TSPAN15: variants seen among roughly 807,000 people sequenced by gnomAD.
The protein encoded by TSPAN15 is tetraspanin 15, also known as tetraspanin-15.
TSPAN15 carries 20 observed loss-of-function variants against 34.5 expected under a neutral mutation model. That is an observed-to-expected ratio of 0.58 (90% CI 0.41 to 0.84). The LOEUF (loss-of-function observed/expected upper bound fraction) is 0.84, where lower values mean the gene tolerates loss of function less well. Among genes scored for constraint, TSPAN15 ranks in the 40% least tolerant of loss-of-function variants. The probability of loss-of-function intolerance (pLI) is 0.00; values close to 1 mark genes in which losing one functional copy is unlikely to be tolerated. For synonymous variants in TSPAN15, 155 were observed against 153.9 expected (o/e 1.01, Z -0.05); for missense variants, 313 against 386.1 (o/e 0.81, Z 1.59).
intron 1 of TSPAN15, among the ~76,000 whole-genome samples, chr10:69,473,832 C>T (rs1001858603): frequency 6.6e-6 from 1 of 152,122 alleles, no homozygotes; most frequent in African/African-American, 2.4e-5. Context: ...CACTTGAGAT[C>T]TGATTGCCTC....
At chr10:69,451,942 T>G in intron 1 of TSPAN15, among the ~76,000 whole-genome samples, 1 of 152,242 alleles carries the variant, frequency 6.6e-6, no homozygotes, top group East Asian at 1.9e-4. Flanking sequence ...GTGCACCGGC[T>G]GGGCGGTTTG....
intron 6 of TSPAN15, chr10:69,505,893 G>C (rs1022359095): frequency 1.9e-5 from 8 of 418,116 alleles, no homozygotes; most frequent in Admixed American, 1.1e-4. Flanking sequence ...CGCCAACCTC[G>C]TTTGCTGGGG....
intron 2 of TSPAN15, chr10:69,484,088 A>G (rs1245283945): frequency 4.1e-6 from 2 of 490,554 alleles, no homozygotes; most frequent in African/African-American, 3.8e-5. Flanking sequence ...TACTGTTCTT[A>G]CTTAAACTCT....
At chr10:69,541,583 C>G in the TSPAN15 span, among the ~76,000 whole-genome samples, 2 of 152,250 alleles carry the variant, frequency 1.3e-5, no homozygotes, top group African/African-American at 4.8e-5. Flanking sequence ...CCCACATTTC[C>G]CTTCCTCAGT....
chr10:69,484,887 A>G (rs540803229), intron 2 of TSPAN15, among the ~76,000 whole-genome samples: 1 of 152,148 alleles, frequency 6.6e-6, no homozygotes, highest in African/African-American at 2.4e-5. Flanking sequence ...CCCCAAGACA[A>G]ATGGAGGTAA....
intron 1 of TSPAN15, among the ~76,000 whole-genome samples, chr10:69,474,004 T>G (rs1484136425): frequency 6.6e-6 from 1 of 152,126 alleles, no homozygotes; most frequent in Non-Finnish European, 1.5e-5. Flanking sequence ...ACAAGATACA[T>G]GAAATAATAA....
the TSPAN15 span, among the ~76,000 whole-genome samples, chr10:69,534,783 G>A: frequency 1.4e-5 from 2 of 146,788 alleles, no homozygotes; most frequent in Non-Finnish European, 3.0e-5. Context: ...CGGAGTTTGA[G>A]ACCAGCCTGG....
At chr10:69,523,338 T>C in the TSPAN15 span, 1 of 523,048 alleles carries the variant, frequency 1.9e-6, no homozygotes, top group Non-Finnish European at 3.5e-6. Context: ...AGCCCAAGAG[T>C]AGCAGGCTCC....
At chr10:69,493,489 T>C (rs1241056368) in intron 3 of TSPAN15, among the ~76,000 whole-genome samples, 3 of 149,548 alleles carry the variant, frequency 2.0e-5, no homozygotes, top group Non-Finnish European at 4.4e-5. Context: ...TTTTTTTTTT[T>C]TGAGACAGAG....
chr10:69,539,026 G>A, the TSPAN15 span, among the ~76,000 whole-genome samples: 1 of 152,264 alleles, frequency 6.6e-6, no homozygotes, highest in East Asian at 1.9e-4. Context: ...AATGAAGGCT[G>A]AAAAGTCCTA....
Position 69,507,651 on chromosome 10 carries a change from G to C in TSPAN15, c.*673G>C. 2.0e-6 allele frequency: 2 copies of C among 1,007,622 alleles called. No homozygotes were observed. Among genetic ancestry groups the C allele is most frequent in the Non-Finnish European group, 2.5e-6 (2 of 788,402 alleles). 62.4% of individuals were successfully genotyped at this position (1,007,622 alleles called of 1,614,324 possible). A position where few individuals can be genotyped will look rare whatever the true frequency, so the allele number is the denominator to read the frequency against. ...TTTGTTAATCAAACAATAAAAACAT[G>C]TTTTTTTTTTTTTTTTTTTTTTGCC... is the stretch of plus-strand genomic sequence containing the variant. On this transcript the variant is annotated 3_prime_UTR_variant, in exon 8 of 8. Coordinates refer to ENST00000373290, the MANE Select transcript of TSPAN15 (RefSeq NM_012339.5).
the TSPAN15 span, among the ~76,000 whole-genome samples, chr10:69,514,255 A>G: frequency 6.6e-6 from 1 of 152,144 alleles, no homozygotes; most frequent in Non-Finnish European, 1.5e-5. Context: ...CTTTTAATAT[A>G]TTGTTGGATT....
intron 1 of TSPAN15, among the ~76,000 whole-genome samples, chr10:69,476,264 C>G (rs1841611993): frequency 6.6e-6 from 1 of 152,000 alleles, no homozygotes; most frequent in Non-Finnish European, 1.5e-5. Context: ...TAGGGACAGA[C>G]AGAATGACCA....
the TSPAN15 span, among the ~76,000 whole-genome samples, chr10:69,520,936 C>G: frequency 6.6e-6 from 1 of 152,126 alleles, no homozygotes; most frequent in Non-Finnish European, 1.5e-5. Context: ...TACATTTGTA[C>G]CCACAATGCC....
chr10:69,510,436 A>T (rs1275332751), downstream of TSPAN15, among the ~76,000 whole-genome samples: 6 of 152,194 alleles, frequency 3.9e-5, no homozygotes, highest in Non-Finnish European at 8.8e-5. Flanking sequence ...GTATCCTGAG[A>T]CTTTGCTGAA....
downstream of TSPAN15, among the ~76,000 whole-genome samples, chr10:69,508,045 T>G (rs1379442949): frequency 6.6e-6 from 1 of 152,112 alleles, no homozygotes; most frequent in African/African-American, 2.4e-5. Context: ...CGACCCCTGC[T>G]GGAGATGCCG....
intron 1 of TSPAN15, among the ~76,000 whole-genome samples, chr10:69,482,093 A>C (rs977695444): frequency 6.6e-6 from 1 of 152,186 alleles, no homozygotes; most frequent in Non-Finnish European, 1.5e-5. Flanking sequence ...CCAACCAGAA[A>C]TAGTGTAGTA....
At position 69,506,167 on chromosome 10, in the gene TSPAN15, A is replaced by G; in HGVS notation, c.662A>G (p.Asn221Ser). 6.2e-7 allele frequency: 1 copy of G among 1,614,158 alleles called. No homozygotes were observed. Among genetic ancestry groups the G allele is most frequent in the Non-Finnish European group, 8.5e-7 (1 of 1,180,024 alleles). The change falls in exon 7 of 8, where the codon AAC becomes AGC. Residue 221 changes from asparagine to serine, a missense_variant. Coordinates refer to ENST00000373290, the MANE Select transcript of TSPAN15 (RefSeq NM_012339.5). The surrounding 1 kb of genome is among the most constrained non-coding windows in gnomAD (Gnocchi z 4.7). ...GTCATCTACGTGCGGGGCTGCACCA[A>G]CGCCGTGATCATCTGGTTCATGGAC... ...QDVIYVRGCT[N>S]AVIIWFMDNY...
At chr10:69,475,738 TG>T (rs1456237865) in intron 1 of TSPAN15, among the ~76,000 whole-genome samples, 2 of 152,190 alleles carry the variant, frequency 1.3e-5, no homozygotes, top group Non-Finnish European at 2.9e-5. Flanking sequence ...CAAAACAGAC[TG>T]GTGTGCCCAC....
Sources: allele counts gnomAD v4.1 joint callset (sites outside exome capture counted in the v4.1 genomes callset), GRCh38; gene constraint gnomAD v4.1.1; non-coding constraint Gnocchi (gnomAD v3.1); transcripts MANE v1.5; gene names NCBI Gene and HGNC (gene_info 2026-07-23, HGNC 2026-07-21).